Variants in PDE4D observed in about 807,000 individuals in gnomAD.
The protein encoded by PDE4D is 3',5'-cyclic-AMP phosphodiesterase 4D.
In PDE4D, 24 loss-of-function variants were observed where a neutral mutation model predicts 87.4. The ratio of observed to expected loss-of-function variants is 0.27; its 90% CI spans 0.20 to 0.39. The LOEUF (loss-of-function observed/expected upper bound fraction) is 0.39, where lower values mean the gene tolerates loss of function less well. Among genes scored for constraint, PDE4D ranks in the 10% least tolerant of loss-of-function variants. The probability of loss-of-function intolerance (pLI) is 1.00; values close to 1 mark genes in which losing one functional copy is unlikely to be tolerated. For synonymous variants in PDE4D, 384 were observed against 383.2 expected (o/e 1.00, Z -0.02); for missense variants, 714 against 1,041.0 (o/e 0.69, Z 4.32).
intron 1 of PDE4D, among the ~76,000 whole-genome samples, chr5:59,397,122 T>A (rs1473878166): frequency 5.6e-5 from 7 of 124,756 alleles, no homozygotes; most frequent in Middle Eastern, 3.8e-3. Context: ...CTTCCACACA[T>A]TAATAATGGG....
intron 1 of PDE4D, among the ~76,000 whole-genome samples, chr5:59,425,422 C>T (rs573781849): frequency 7.2e-5 from 11 of 152,152 alleles, no homozygotes; most frequent in Admixed American, 3.9e-4. Flanking sequence ...TTTAACATCC[C>T]TATTCTTTAC....
At chr5:59,550,937 C>T (rs546602789) in intron 1 of PDE4D, among the ~76,000 whole-genome samples, 5 of 152,152 alleles carry the variant, frequency 3.3e-5, no homozygotes, top group African/African-American at 1.2e-4. Context: ...ACCTCGTGAT[C>T]CACCTGCCCC....
intron 2 of PDE4D, among the ~76,000 whole-genome samples, chr5:60,185,256 T>G (rs978126211): frequency 6.6e-6 from 1 of 152,162 alleles, no homozygotes; most frequent in African/African-American, 2.4e-5. Flanking sequence ...TATTTTGACT[T>G]TTAATCATAT....
chr5:59,980,553 T>C (rs906111299), intron 3 of PDE4D, among the ~76,000 whole-genome samples: 1 of 152,230 alleles, frequency 6.6e-6, no homozygotes, highest in Admixed American at 6.5e-5. Context: ...CGTGGGAGCC[T>C]GGTGAAATAG....
intron 2 of PDE4D, among the ~76,000 whole-genome samples, chr5:60,026,004 C>G (rs1995780): frequency 0.49 from 74,044 of 151,990 alleles, 18,478 homozygotes; most frequent in East Asian, 0.82. Context: ...TCAGAACACT[C>G]TCATTCAACT....
intron 5 of PDE4D, among the ~76,000 whole-genome samples, chr5:59,119,078 G>A (rs1476073060): frequency 6.6e-6 from 1 of 152,086 alleles, no homozygotes; most frequent in African/African-American, 2.4e-5. Flanking sequence ...AAGCTTCTGA[G>A]AACCAAATGA....
intron 2 of PDE4D, among the ~76,000 whole-genome samples, chr5:60,180,470 G>T (rs910759775): frequency 6.6e-6 from 1 of 152,082 alleles, no homozygotes; most frequent in African/African-American, 2.4e-5. Flanking sequence ...CAGAACTTCA[G>T]CCTTCCTAAA....
intron 1 of PDE4D, among the ~76,000 whole-genome samples, chr5:59,415,037 C>A (rs1297748615): frequency 2.6e-5 from 4 of 152,130 alleles, no homozygotes; most frequent in Non-Finnish European, 5.9e-5. Context: ...GGAGTGATGG[C>A]TAGAGTCTGG....
intron 6 of PDE4D, among the ~76,000 whole-genome samples, chr5:59,027,467 A>G (rs146550197): frequency 4.8e-4 from 73 of 152,280 alleles, no homozygotes; most frequent in African/African-American, 1.6e-3. Flanking sequence ...TAGAGTATCT[A>G]TAGAAGTTAT....
intron 2 of PDE4D, among the ~76,000 whole-genome samples, chr5:60,152,652 C>CA (rs35561110): frequency 5.0e-4 from 65 of 130,170 alleles, no homozygotes; most frequent in East Asian, 3.3e-3. Flanking sequence ...GACTCTGTCT[C>CA]AAAAAAAAAA....
intron 1 of PDE4D, among the ~76,000 whole-genome samples, chr5:59,291,912 T>C (rs1768114838): frequency 6.6e-6 from 1 of 151,764 alleles, no homozygotes; most frequent in Non-Finnish European, 1.5e-5. Flanking sequence ...CATAGAACAG[T>C]GATTTTCAGA....
chr5:59,459,302 A>C (rs1285827537), intron 1 of PDE4D, among the ~76,000 whole-genome samples: 1 of 152,202 alleles, frequency 6.6e-6, no homozygotes, highest in Non-Finnish European at 1.5e-5. Context: ...GAGGCGAAAT[A>C]TTCTTACATC....
intron 1 of PDE4D, among the ~76,000 whole-genome samples, chr5:59,244,706 GTGTGTGTGTGTGTGTGTA>G (rs1358029949): frequency 1.4e-5 from 2 of 146,646 alleles, no homozygotes; most frequent in African/African-American, 2.5e-5. Flanking sequence ...GTGTGTGTGT[GTGTGTGTGTGTGTGTGTA>G]TAGAGAGACC....
In PDE4D at chr5:59,521,123, A is replaced by T. The variant is rs115763108; in HGVS notation, c.456-305155T>A. Among the ~76,000 whole-genome samples the T allele has an allele frequency of 3.9e-3, 587 of 150,356 alleles. 3 individuals carry two copies. Among genetic ancestry groups the T allele is most frequent in the African/African-American group, 0.014 (570 of 41,288 alleles). On this transcript the variant is annotated intron_variant, in intron 1 of 14. Coordinates refer to ENST00000340635, the MANE Select transcript of PDE4D (RefSeq NM_001104631.2). Reference sequence around the variant, plus strand: ...ATAGGAGATCACTAAAAAAAAAAAAAATCTCTGCTGCAAAATAAAACTAAT... The same window carrying T: ...ATAGGAGATCACTAAAAAAAAAAAATATCTCTGCTGCAAAATAAAACTAAT...
chr5:59,140,276 C>T (rs1446106569), intron 5 of PDE4D, among the ~76,000 whole-genome samples: 3 of 152,152 alleles, frequency 2.0e-5, no homozygotes, highest in Admixed American at 6.5e-5. Context: ...GTCAAATGAT[C>T]CTATTGCTTT....
Position 59,885,327 on chromosome 5 carries a change from C to T in PDE4D, c.455+7841G>A, listed in dbSNP as rs867639587. Among the ~76,000 whole-genome samples, 9 of 152,078 alleles carry T rather than the reference C, an allele frequency of 5.9e-5. 1 individual carries two copies. The South Asian group carries it at 6.2e-4, about 11-fold the overall frequency. On this transcript the variant is annotated intron_variant, in intron 1 of 14. Transcript: ENST00000340635. The stretch of plus-strand genomic sequence containing the variant: ...CTTATATTTAAATTAAATTTTAAGT[C>T]AAGTAATCCCCTAAAATCCCACTGG...
At chr5:58,997,983 C>A (rs1366076473) in intron 6 of PDE4D, among the ~76,000 whole-genome samples, 3 of 151,818 alleles carry the variant, frequency 2.0e-5, no homozygotes, top group African/African-American at 7.3e-5. Context: ...GGTATGGGTC[C>A]AATAGTAAGA....
At chr5:59,618,691 G>A (rs540971505) in intron 1 of PDE4D, among the ~76,000 whole-genome samples, 152 of 152,236 alleles carry the variant, frequency 1.0e-3, no homozygotes, top group African/African-American at 3.5e-3. Flanking sequence ...GAAGACAGAT[G>A]ATGGTGGCTG....
intron 2 of PDE4D, among the ~76,000 whole-genome samples, chr5:60,120,590 T>C (rs1778582808): frequency 6.6e-6 from 1 of 152,184 alleles, no homozygotes; most frequent in South Asian, 2.1e-4. Flanking sequence ...GACAGTCTTG[T>C]GTCAGGTGGG....
Sources: gnomAD v4.1 joint callset for allele counts (sites outside exome capture counted in the v4.1 genomes callset) on GRCh38, gnomAD v4.1.1 for gene constraint, MANE v1.5 for transcripts, NCBI Gene and HGNC (gene_info 2026-07-23, HGNC 2026-07-21) for gene names.